Variants in FCER1A observed in about 807,000 individuals in gnomAD.
The protein encoded by FCER1A is high affinity immunoglobulin epsilon receptor subunit alpha.
A neutral mutation model predicts 23.6 loss-of-function variants in FCER1A; 24 were observed. That is an observed-to-expected ratio of 1.02 (90% CI 0.74 to 1.43). The LOEUF is 1.43. Among genes scored for constraint, FCER1A ranks in the 40% most tolerant of loss-of-function variants. FCER1A has a pLI of 0.00. For synonymous variants in FCER1A, 121 were observed against 108.8 expected, an observed-to-expected ratio of 1.11 and a Z score of -0.70; for missense variants, 318 against 294.5, an observed-to-expected ratio of 1.08 and a Z score of -0.58.
At chr1:159,285,535 A>C (rs1651995066), upstream of FCER1A, among the ~76,000 whole-genome samples, 1 of 151,754 alleles carries the variant, frequency 6.6e-6, no homozygotes, top group Non-Finnish European at 1.5e-5. Flanking sequence ...TAAACTATAT[A>C]TAAAAACACA....
At chr1:159,298,140 A>G (rs1038326674), upstream of FCER1A, among the ~76,000 whole-genome samples, 3 of 152,142 alleles carry the variant, frequency 2.0e-5, no homozygotes, top group Non-Finnish European at 4.4e-5. Flanking sequence ...ACAAGACACC[A>G]CAAAGATGCT....
intron 1 of FCER1A, among the ~76,000 whole-genome samples, chr1:159,293,989 C>A (rs1169663022): frequency 1.3e-5 from 2 of 151,984 alleles, no homozygotes; most frequent in Non-Finnish European, 2.9e-5. Flanking sequence ...CACTGGCCAT[C>A]AGAGAAATGC....
intron 1 of FCER1A, among the ~76,000 whole-genome samples, chr1:159,293,648 G>A (rs1652216517): frequency 6.7e-6 from 1 of 148,550 alleles, no homozygotes. Context: ...GCGGTGTTTG[G>A]TTTTTTGTTC....
chr1:159,300,805 CATAAT>C (rs1186676352), upstream of FCER1A, among the ~76,000 whole-genome samples: 5 of 152,268 alleles, frequency 3.3e-5, no homozygotes, highest in East Asian at 9.6e-4. Context: ...TATTAAATCT[CATAAT>C]ATAACCATGA....
chr1:159,306,544 G>T (rs1237368936), intron 4 of FCER1A, among the ~76,000 whole-genome samples: 1 of 152,204 alleles, frequency 6.6e-6, no homozygotes, highest in Non-Finnish European at 1.5e-5. Context: ...ATAACAGATT[G>T]TGATTACTAT....
intron 1 of FCER1A, among the ~76,000 whole-genome samples, chr1:159,295,376 T>G (rs1020378022): frequency 6.6e-6 from 1 of 152,094 alleles, no homozygotes; most frequent in Non-Finnish European, 1.5e-5. Flanking sequence ...AACAAAAAAA[T>G]GGAAATGCAG....
In FCER1A at chr1:159,306,060, G is replaced by A. The variant is rs927406740; in HGVS notation, c.404G>A (p.Trp135Ter). 2.7e-5 allele frequency: 43 copies of A among 1,613,940 alleles called. No individual in the cohort carries two copies. Among genetic ancestry groups the A allele is most frequent in the Non-Finnish European group, 3.6e-5 (43 of 1,179,924 alleles). ...GQPLFLRCHGWRNWDVYKVIY... is the reference protein window; with the variant it reads ...GQPLFLRCHG Reference sequence around the variant, plus strand: ...CCCCTCTTCCTCAGGTGCCATGGTTGGAGGAACTGGGATGTGTACAAGGTG... The same window carrying A: ...CCCCTCTTCCTCAGGTGCCATGGTTAGAGGAACTGGGATGTGTACAAGGTG... Residue 135 changes from tryptophan (W) to a stop codon, truncating the protein, a stop_gained, in exon 4 of 5, where the codon TGG (tryptophan) becomes TAG (stop). Coordinates refer to ENST00000693622, the MANE Select transcript of FCER1A (RefSeq NM_001387280.1). LOFTEE classifies it high-confidence loss of function.
Position 159,304,128 on chromosome 1 carries a change from T to C in FCER1A, c.277T>C (p.Cys93Arg). 1 of 1,613,998 alleles carries C rather than the reference T, an allele frequency of 6.2e-7. No homozygotes were observed. The highest frequency in any genetic ancestry group is 8.5e-7 in the Non-Finnish European group (1 of 1,179,878). The change falls in exon 3 of 5, where the codon TGT (cysteine) becomes CGT (arginine). Residue 93 changes from cysteine (C) to arginine (R), a missense_variant. Physicochemically the swap from Cys to Arg is radical, Grantham distance 180. Coordinates refer to ENST00000693622, the MANE Select transcript of FCER1A (RefSeq NM_001387280.1). ...AKFEDSGEYK[C>R]QHQQVNESEP... ...ATTTGAAGACAGTGGAGAATACAAA[T>C]GTCAGCACCAACAAGTTAATGAGAG...
intron 1 of FCER1A, among the ~76,000 whole-genome samples, chr1:159,293,228 C>T (rs569179469): frequency 6.7e-6 from 1 of 149,978 alleles, no homozygotes; most frequent in South Asian, 2.1e-4. Context: ...TTCACACAGT[C>T]CGGTGGCTCT....
At chr1:159,298,420 T>C (rs1652350656), upstream of FCER1A, among the ~76,000 whole-genome samples, 1 of 152,186 alleles carries the variant, frequency 6.6e-6, no homozygotes, top group South Asian at 2.1e-4. Context: ...GCTGGTTGTT[T>C]AAAGGAAACT....
In FCER1A at chr1:159,302,851, C is replaced by T; in HGVS notation, c.56-3C>T. On this transcript the variant is annotated splice_region_variant and splice_polypyrimidine_tract_variant and intron_variant, in intron 1 of 4. Transcript: ENST00000693622. ...CTAATGTATCCTCTCTGGACTTTTG[C>T]AGCTCCAGATGGCGTGTTAGCAGGT... 2 of 1,613,444 alleles carry T rather than the reference C, an allele frequency of 1.2e-6. No individual in the cohort carries two copies. Among genetic ancestry groups the T allele is most frequent in the Non-Finnish European group, 1.7e-6 (2 of 1,179,338 alleles).
intron 1 of FCER1A, among the ~76,000 whole-genome samples, chr1:159,294,140 C>T (rs1652235676): frequency 6.6e-6 from 1 of 152,200 alleles, no homozygotes; most frequent in African/African-American, 2.4e-5. Context: ...ACTAGTTCAA[C>T]CCTTGTGGAA....
rs755047262 is a variant in FCER1A, at chr1:159,302,916, T to A, written c.76+42T>A. ...TGTTCCCTTGGTGTTTCAACATGTC[T>A]GGGCATTGCTTTCCTCTCACTATTT... On this transcript the variant is annotated intron_variant, in intron 2 of 4. Transcript: ENST00000693622. 11 of 1,583,616 alleles carry A rather than the reference T, an allele frequency of 6.9e-6. No homozygotes were observed. The Middle Eastern group carries it at 1.5e-3, about 215-fold the overall frequency.
intron 1 of FCER1A, among the ~76,000 whole-genome samples, chr1:159,291,198 TACC>T (rs1652143671): frequency 6.6e-6 from 1 of 152,216 alleles, no homozygotes; most frequent in Non-Finnish European, 1.5e-5. Flanking sequence ...GGCTTAGTTT[TACC>T]ACAAGTGTAT....
In FCER1A at chr1:159,303,995, T is replaced by C. The variant is rs756309771; in HGVS notation, c.144T>C (p.Thr48=). The C allele has an allele frequency of 1.9e-6, 3 of 1,613,204 alleles. No individual in the cohort carries two copies. The South Asian group carries it at 3.3e-5, about 18-fold the overall frequency. ...GAATATTTAAAGGAGAGAATGTGACTCTTACATGTAATGGGAACAATTTCT... is the reference window on the plus strand; with the variant it reads ...GAATATTTAAAGGAGAGAATGTGACCCTTACATGTAATGGGAACAATTTCT... ...WNRIFKGENV[T]LTCNGNNFFE... Residue 48 remains threonine (T), a synonymous_variant, in exon 3 of 5, where the codon ACT becomes ACC. Coordinates refer to ENST00000693622, the MANE Select transcript of FCER1A (RefSeq NM_001387280.1).
At position 159,306,221 on chromosome 1, in the gene FCER1A, C is replaced by T. The variant is rs1400100270; in HGVS notation, c.565C>T (p.Pro189Ser). ...GTGGCAGCTGGACTATGAGTCTGAG[C>T]CCCTCAACATTACTGTAATAAAAGG... ...KVWQLDYESE[P>S]LNITVIKAPR... The change falls in exon 4 of 5, where the codon CCC becomes TCC. Residue 189 changes from proline to serine, a missense_variant. Coordinates refer to ENST00000693622, the MANE Select transcript of FCER1A (RefSeq NM_001387280.1). The T allele has an allele frequency of 6.2e-6, 10 of 1,613,808 alleles. No homozygotes were observed. The highest frequency in any genetic ancestry group is 1.7e-5 in the Admixed American group (1 of 59,994).
chr1:159,298,750 C>T (rs1432386888), upstream of FCER1A, among the ~76,000 whole-genome samples: 1 of 152,072 alleles, frequency 6.6e-6, no homozygotes, highest in Non-Finnish European at 1.5e-5. Context: ...GCTAACATAC[C>T]AACAGTACCA....
At chr1:159,290,089 C>G (rs1438142463) in intron 1 of FCER1A, among the ~76,000 whole-genome samples, 1 of 152,118 alleles carries the variant, frequency 6.6e-6, no homozygotes, top group Non-Finnish European at 1.5e-5. Flanking sequence ...TCCAGAAGAA[C>G]CTATGTCCCA....
chr1:159,298,184 C>T (rs778098632), upstream of FCER1A, among the ~76,000 whole-genome samples: 1 of 152,116 alleles, frequency 6.6e-6, no homozygotes, highest in Non-Finnish European at 1.5e-5. Context: ...GATTACATAT[C>T]TTGAAGACAG....
Sources: gnomAD v4.1 joint callset for allele counts (sites outside exome capture counted in the v4.1 genomes callset) on GRCh38, gnomAD v4.1.1 for gene constraint, MANE v1.5 for transcripts, NCBI Gene and HGNC (gene_info 2026-07-23, HGNC 2026-07-21) for gene names.